Variants in TMEM117 observed in about 807,000 individuals in gnomAD.
The protein encoded by TMEM117 is transmembrane protein 117.
In TMEM117, 27 loss-of-function variants were observed where a neutral mutation model predicts 52.4. The observed-to-expected ratio is 0.51, with a 90% CI of 0.38 to 0.71. TMEM117 has a LOEUF of 0.71. Ranked by LOEUF, TMEM117 falls within the 30% of genes least tolerant of loss-of-function variation. The pLI is 0.00. For synonymous variants in TMEM117, 215 were observed against 206.3 expected (o/e 1.04, Z -0.36); for missense variants, 556 against 630.5 (o/e 0.88, Z 1.26).
At chr12:44,023,888 C>G (rs1235042246) in intron 3 of TMEM117, among the ~76,000 whole-genome samples, 2 of 151,492 alleles carry the variant, frequency 1.3e-5, no homozygotes, top group African/African-American at 4.9e-5. Flanking sequence ...GGGTACAGCA[C>G]ACCAACATGG....
rs1188949135 is a variant in TMEM117 at position 44,389,244 on chromosome 12, C to T, written c.*572C>T. The T allele has an allele frequency of 6.5e-6, 1 of 153,882 alleles. No individual in the cohort carries two copies. Among genetic ancestry groups the T allele is most frequent in the African/African-American group, 2.4e-5 (1 of 41,412 alleles). 9.5% of individuals were successfully genotyped at this position (153,882 alleles called of 1,614,324 possible). On this transcript the variant is annotated 3_prime_UTR_variant, in exon 8 of 8. Transcript: ENST00000266534. ...ATTGGCTGTCTGCCAAATATAAATA[C>T]AGATGCAAAATTCAGTAATAGGAGA...
rs533063399 is a variant in TMEM117, at chr12:44,316,210, A to T, written c.768+16471A>T. ...TATTTTTGTGGTAGCAGGTATTGTT[A>T]TTTTGTTTCCATTTTTAAAATTCCC... is the stretch of plus-strand genomic sequence containing the variant. On this transcript the variant is annotated intron_variant, in intron 6 of 7. Transcript: ENST00000266534. Among the ~76,000 whole-genome samples the T allele has an allele frequency of 2.0e-5, 3 of 152,222 alleles. No individual in the cohort carries two copies. The East Asian group carries it at 5.8e-4, about 29-fold the overall frequency.
intron 3 of TMEM117, among the ~76,000 whole-genome samples, chr12:44,029,382 T>C (rs750423162): frequency 6.6e-6 from 1 of 152,170 alleles, no homozygotes; most frequent in Non-Finnish European, 1.5e-5. Flanking sequence ...GCCTAATCCT[T>C]AGGCATGTAC....
At position 43,951,035 on chromosome 12, in the gene TMEM117, G is replaced by C. The variant is rs1000341509; in HGVS notation, c.410+6693G>C. ...CAGGGTGGGGCATTGCTTCACCCAG[G>C]AAGTGCATGGAGCCCAGAGGAGTGG... On this transcript the variant is annotated intron_variant, in intron 3 of 7. Coordinates refer to ENST00000266534, the MANE Select transcript of TMEM117 (RefSeq NM_032256.3). 2.6e-5 allele frequency among the ~76,000 whole-genome samples: 4 copies of C among 152,178 alleles called. No homozygotes were observed. In the South Asian group the frequency reaches 8.3e-4, roughly 32 times the overall value.
At chr12:43,947,285 T>C (rs1207972989) in intron 3 of TMEM117, among the ~76,000 whole-genome samples, 2 of 152,110 alleles carry the variant, frequency 1.3e-5, no homozygotes, top group Admixed American at 1.3e-4. Context: ...CAGTGAGTTA[T>C]GATTGTGTTA....
chr12:43,862,393 A>G (rs1355876185), intron 2 of TMEM117, among the ~76,000 whole-genome samples: 1 of 152,112 alleles, frequency 6.6e-6, no homozygotes, highest in African/African-American at 2.4e-5. Flanking sequence ...TTCTGACCTC[A>G]TGATCCACCT....
chr12:43,825,478 C>G, the TMEM117 span, among the ~76,000 whole-genome samples: 1 of 152,084 alleles, frequency 6.6e-6, no homozygotes, highest in African/African-American at 2.4e-5. Flanking sequence ...TCCTCATTCT[C>G]TCTATTCTCC....
chr12:43,834,075 A>C (rs928567542), upstream of TMEM117, among the ~76,000 whole-genome samples: 2 of 152,240 alleles, frequency 1.3e-5, no homozygotes, highest in African/African-American at 4.8e-5. Context: ...CCTGGGGTAC[A>C]GAGTGAGACT....
intron 3 of TMEM117, among the ~76,000 whole-genome samples, chr12:43,999,481 A>G (rs949000532): frequency 2.6e-5 from 4 of 152,086 alleles, no homozygotes; most frequent in Non-Finnish European, 1.5e-5. Flanking sequence ...AATGATGCAG[A>G]TGGTTTTTGT....
At chr12:44,145,271 A>C (rs1663394563) in intron 4 of TMEM117, among the ~76,000 whole-genome samples, 1 of 152,210 alleles carries the variant, frequency 6.6e-6, no homozygotes, top group African/African-American at 2.4e-5. Context: ...ATGTTTAAAA[A>C]AATTTTTTGA....
chr12:44,135,470 G>T (rs145501455), intron 3 of TMEM117, among the ~76,000 whole-genome samples: 1 of 152,274 alleles, frequency 6.6e-6, no homozygotes, highest in East Asian at 1.9e-4. Flanking sequence ...CTGCAATAAG[G>T]TTCCTGGGTA....
intron 3 of TMEM117, among the ~76,000 whole-genome samples, chr12:43,960,147 G>A (rs944601235): frequency 2.6e-5 from 4 of 152,170 alleles, no homozygotes; most frequent in Non-Finnish European, 4.4e-5. Flanking sequence ...TTGCTTGTAC[G>A]ATTAATTCAC....
At chr12:43,838,363 C>A (rs545903675) in intron 1 of TMEM117, among the ~76,000 whole-genome samples, 1 of 151,730 alleles carries the variant, frequency 6.6e-6, no homozygotes, top group South Asian at 2.1e-4. Flanking sequence ...CATCCCCATA[C>A]CACTAATAGA....
At chr12:43,822,314 A>C in the TMEM117 span, among the ~76,000 whole-genome samples, 3 of 152,210 alleles carry the variant, frequency 2.0e-5, no homozygotes, top group Admixed American at 2.0e-4. Flanking sequence ...CTCTCAGAAC[A>C]CATTACAAAC....
At chr12:44,322,517 C>G (rs1159668386) in intron 6 of TMEM117, among the ~76,000 whole-genome samples, 1 of 152,048 alleles carries the variant, frequency 6.6e-6, no homozygotes, top group East Asian at 1.9e-4. Flanking sequence ...TTACTTTCAT[C>G]TCTGCATGGC....
At chr12:44,044,420 C>G (rs1344380782) in intron 3 of TMEM117, among the ~76,000 whole-genome samples, 1 of 152,170 alleles carries the variant, frequency 6.6e-6, no homozygotes, top group Non-Finnish European at 1.5e-5. Flanking sequence ...ACCATGCAAC[C>G]TGAATGAACT....
chr12:43,964,970 A>T (rs1401446816), intron 3 of TMEM117, among the ~76,000 whole-genome samples: 1 of 152,372 alleles, frequency 6.6e-6, no homozygotes, highest in South Asian at 2.1e-4. Flanking sequence ...ATAAAATGTT[A>T]TACCTTCTTA....
chr12:43,865,156 T>G (rs1943567226), intron 2 of TMEM117, among the ~76,000 whole-genome samples: 1 of 152,158 alleles, frequency 6.6e-6, no homozygotes, highest in Admixed American at 6.5e-5. Context: ...GGCTTCATTC[T>G]TGAAGTCAGT....
At chr12:43,883,809 C>G (rs756893002) in intron 2 of TMEM117, among the ~76,000 whole-genome samples, 11 of 151,448 alleles carry the variant, frequency 7.3e-5, no homozygotes, top group Non-Finnish European at 1.6e-4. Context: ...AGGATCTAGC[C>G]AAGCAACTCT....
Sources: gnomAD v4.1 joint callset for allele counts (sites outside exome capture counted in the v4.1 genomes callset) on GRCh38, gnomAD v4.1.1 for gene constraint, MANE v1.5 for transcripts, NCBI Gene and HGNC (gene_info 2026-07-23, HGNC 2026-07-21) for gene names.